The following PLCH1 variants were observed in gnomAD, a reference collection of about 807,000 sequenced individuals.
PLCH1 encodes the protein phospholipase C eta 1, also known as 1-phosphatidylinositol 4,5-bisphosphate phosphodiesterase eta-1.
PLCH1 carries 60 observed loss-of-function variants against 126.7 expected under a neutral mutation model. The observed-to-expected ratio is 0.47, with a 90% CI of 0.38 to 0.59. PLCH1 has a LOEUF of 0.59. PLCH1 is among the 20% of genes least tolerant of loss of function. PLCH1 has a pLI of 0.00. For missense variants in PLCH1, 1,723 were observed against 2,040.0 expected (o/e 0.84, Z 2.99); for synonymous variants, 719 against 734.9 (o/e 0.98, Z 0.35).
intron 2 of PLCH1, among the ~76,000 whole-genome samples, chr3:155,636,723 G>A (rs1450947216): frequency 1.4e-5 from 2 of 148,146 alleles, no homozygotes; most frequent in East Asian, 2.0e-4. Context: ...CCCAGCTTGG[G>A]CAACAAGAGT....
Position 155,460,014 on chromosome 3 carries a change from A to G in PLCH1, c.2938+25342T>C, listed in dbSNP as rs1005417469. 2.6e-5 allele frequency among the ~76,000 whole-genome samples: 4 copies of G among 152,178 alleles called. No homozygotes were observed. The South Asian group carries it at 8.3e-4, about 32-fold the overall frequency. On this transcript the variant is annotated intron_variant, in intron 21 of 21. Transcript: ENST00000494598. ...TGCAGAAATTCTGGGGATGTGGCCC[A>G]GCAATCTGTGTTTTAACTAGCTCTC...
chr3:155,523,805 T>A, intron 11 of PLCH1, 92 bp downstream of exon 11: 4 of 704,660 alleles, frequency 5.7e-6, no homozygotes, highest in Non-Finnish European at 7.4e-6. Flanking sequence ...ACAGCCACCA[T>A]AATTGTGAGG....
At position 155,604,039 on chromosome 3, in the gene PLCH1, C is replaced by T. The variant is rs137946799; in HGVS notation, c.80-7661G>A. 7.2e-3 allele frequency among the ~76,000 whole-genome samples: 1,098 copies of T among 152,142 alleles called. 7 individuals carry two copies. Among genetic ancestry groups the T allele is most frequent in the South Asian group, 0.022 (106 of 4,818 alleles). On this transcript the variant is annotated intron_variant, in intron 2 of 22. Transcript: ENST00000460012. ...TCTTGAGCCCAGGAGGTTGAGGCTGCGGTGAGCTGTGATTGCACCATTGCA... is the reference window on the plus strand; with the variant it reads ...TCTTGAGCCCAGGAGGTTGAGGCTGTGGTGAGCTGTGATTGCACCATTGCA...
At chr3:155,596,935 A>G (rs1733057109) in intron 2 of PLCH1, among the ~76,000 whole-genome samples, 1 of 152,260 alleles carries the variant, frequency 6.6e-6, no homozygotes, top group Non-Finnish European at 1.5e-5. Flanking sequence ...AGTTGAACAT[A>G]AAACACTTGC....
intron 2 of PLCH1, among the ~76,000 whole-genome samples, chr3:155,701,469 A>G (rs2109074803): frequency 6.6e-6 from 1 of 152,348 alleles, no homozygotes; most frequent in South Asian, 2.1e-4. Flanking sequence ...CATAATTTAT[A>G]CATCCAAGTC....
At chr3:155,622,560 G>A (rs1716280909) in intron 2 of PLCH1, among the ~76,000 whole-genome samples, 1 of 149,508 alleles carries the variant, frequency 6.7e-6, no homozygotes, top group Admixed American at 6.7e-5. Context: ...ATAAAGAAAT[G>A]GAGGAATATT....
At chr3:155,466,965 T>TA (rs548665700) in intron 21 of PLCH1, among the ~76,000 whole-genome samples, 1 of 151,916 alleles carries the variant, frequency 6.6e-6, no homozygotes, top group Non-Finnish European at 1.5e-5. Flanking sequence ...AAAAAAATTA[T>TA]AAAAAACAAT....
chr3:155,559,861 G>C (rs974892765), intron 8 of PLCH1, among the ~76,000 whole-genome samples: 1 of 152,096 alleles, frequency 6.6e-6, no homozygotes, highest in African/African-American at 2.4e-5. Flanking sequence ...ATTTCCAAAA[G>C]CTCCCATTTT....
chr3:155,619,498 TAAAA>T (rs1553857946), intron 2 of PLCH1, among the ~76,000 whole-genome samples: 2 of 133,522 alleles, frequency 1.5e-5, no homozygotes, highest in African/African-American at 5.3e-5. Context: ...ACAGAAAAAG[TAAAA>T]AAAAAAAAAA....
chr3:155,677,760 G>A (rs1744203471), intron 2 of PLCH1, among the ~76,000 whole-genome samples: 1 of 152,108 alleles, frequency 6.6e-6, no homozygotes, highest in Admixed American at 6.5e-5. Flanking sequence ...CATCAACCCA[G>A]GAAAGGAGTG....
chr3:155,665,166 C>CAGCAGAACCACAAGACAGA (rs1317922496), intron 2 of PLCH1, among the ~76,000 whole-genome samples: 1 of 152,082 alleles, frequency 6.6e-6, no homozygotes, highest in Admixed American at 6.5e-5. Flanking sequence ...ATGTTGACAA[C>CAGCAGAACCACAAGACAGA]AGCAGAACCA....
At chr3:155,517,847 A>G (rs1720561436) in intron 11 of PLCH1, among the ~76,000 whole-genome samples, 1 of 152,220 alleles carries the variant, frequency 6.6e-6, no homozygotes, top group East Asian at 1.9e-4. Context: ...AATGTGAGGA[A>G]AAGCATGGAG....
At chr3:155,637,048 A>C (rs1172895604) in intron 2 of PLCH1, among the ~76,000 whole-genome samples, 3 of 152,190 alleles carry the variant, frequency 2.0e-5, no homozygotes, top group African/African-American at 7.2e-5. Flanking sequence ...CAAAACAGTC[A>C]TTCACTAGAG....
intron 10 of PLCH1, among the ~76,000 whole-genome samples, chr3:155,525,915 T>A (rs1323057598): frequency 6.6e-6 from 1 of 152,178 alleles, no homozygotes; most frequent in Non-Finnish European, 1.5e-5. Flanking sequence ...AAATTTACAT[T>A]CTCCTTTCCT....
intron 2 of PLCH1, among the ~76,000 whole-genome samples, chr3:155,626,030 T>C (rs996500710): frequency 6.6e-5 from 10 of 152,168 alleles, no homozygotes; most frequent in African/African-American, 2.4e-4. Context: ...ATATACAGCA[T>C]GGAATACTAT....
At chr3:155,606,541 C>T (rs1455936196) in intron 2 of PLCH1, among the ~76,000 whole-genome samples, 3 of 152,128 alleles carry the variant, frequency 2.0e-5, no homozygotes, top group African/African-American at 7.2e-5. Context: ...ATATAATTAG[C>T]TACGTAGGAA....
intron 19 of PLCH1, among the ~76,000 whole-genome samples, chr3:155,489,220 AC>A (rs1395512676): frequency 6.6e-6 from 1 of 152,210 alleles, no homozygotes; most frequent in Non-Finnish European, 1.5e-5. Context: ...TGCTGTAATA[AC>A]CACCAACAAC....
intron 7 of PLCH1, among the ~76,000 whole-genome samples, chr3:155,566,576 C>T (rs1230163729): frequency 6.6e-6 from 1 of 151,516 alleles, no homozygotes; most frequent in Non-Finnish European, 1.5e-5. Flanking sequence ...AAAGTCAGTG[C>T]CATAGTTAAG....
At chr3:155,560,544 A>T (rs1167943449) in intron 8 of PLCH1, among the ~76,000 whole-genome samples, 1 of 152,082 alleles carries the variant, frequency 6.6e-6, no homozygotes, top group Non-Finnish European at 1.5e-5. Context: ...TAGTCATCCT[A>T]ATGTTTCTGT....
Sources: allele counts gnomAD v4.1 joint callset (sites outside exome capture counted in the v4.1 genomes callset), GRCh38; gene constraint gnomAD v4.1.1; transcripts MANE v1.5; gene names NCBI Gene and HGNC (gene_info 2026-07-23, HGNC 2026-07-21).